The following PPARGC1B variants were observed in gnomAD, a reference collection of about 807,000 sequenced individuals.
PPARGC1B encodes the protein peroxisome proliferator-activated receptor gamma coactivator 1-beta.
In PPARGC1B, 34 loss-of-function variants were observed where a neutral mutation model predicts 101.6. The observed-to-expected ratio is 0.33, with a 90% CI of 0.25 to 0.45. The LOEUF (loss-of-function observed/expected upper bound fraction) is 0.45, where lower values mean the gene tolerates loss of function less well. Among genes scored for constraint, PPARGC1B ranks in the 20% least tolerant of loss-of-function variants. The probability of loss-of-function intolerance (pLI) is 1.00; values close to 1 mark genes in which losing one functional copy is unlikely to be tolerated. For missense variants in PPARGC1B, 1,234 were observed against 1,317.6 expected (o/e 0.94, Z 0.98); for synonymous variants, 548 against 539.3 (o/e 1.02, Z -0.22).
intron 1 of PPARGC1B, among the ~76,000 whole-genome samples, chr5:149,731,255 G>A (rs1754453997): frequency 1.3e-5 from 2 of 152,230 alleles, no homozygotes. Context: ...GGGGAGCGAG[G>A]AAGCTGGTGG....
At chr5:149,731,071 C>T (rs964010326) in intron 1 of PPARGC1B, among the ~76,000 whole-genome samples, 1 of 152,180 alleles carries the variant, frequency 6.6e-6, no homozygotes, top group Admixed American at 6.5e-5. Context: ...TGGATGGGGG[C>T]GGAAGGACTG....
rs60711433 is a variant in PPARGC1B at position 149,830,030 on chromosome 5, C to CAAAA, written c.466-716_466-713dup. 2.1e-3 allele frequency among the ~76,000 whole-genome samples: 72 copies of CAAAA among 34,170 alleles called. 1 individual carries two copies. The highest frequency in any genetic ancestry group is 4.0e-3 in the African/African-American group (45 of 11,362). The allele number at this position is 34,170 out of a possible 152,430, so 22.4% of individuals were successfully genotyped here. ...AGCCTAGGTGACAGAGACTGCATCTCAAAAAAAAAAAAAAAAAAAAAAAAG... is the reference window on the plus strand; with the variant it reads ...AGCCTAGGTGACAGAGACTGCATCTCAAAAAAAAAAAAAAAAAAAAAAAAAAAAG... On this transcript the variant is annotated intron_variant, in intron 3 of 11. Transcript: ENST00000309241.
chr5:149,800,424 A>C (rs1156516568), intron 1 of PPARGC1B, among the ~76,000 whole-genome samples: 6 of 152,176 alleles, frequency 3.9e-5, no homozygotes, highest in Admixed American at 3.9e-4. Flanking sequence ...CTTTGATAGG[A>C]GTGAGGCAGG....
chr5:149,752,668 A>C (rs1177890107), intron 1 of PPARGC1B, among the ~76,000 whole-genome samples: 1 of 152,090 alleles, frequency 6.6e-6, no homozygotes, highest in Non-Finnish European at 1.5e-5. Context: ...GTCTCCACTA[A>C]AAATACAAAA....
chr5:149,823,999 C>T (rs79020132), intron 2 of PPARGC1B, among the ~76,000 whole-genome samples: 188 of 152,166 alleles, frequency 1.2e-3, no homozygotes, highest in African/African-American at 4.4e-3. Context: ...TGCCACCACG[C>T]CCCCCAAAAA....
chr5:149,802,797 C>T (rs148820217), intron 1 of PPARGC1B, among the ~76,000 whole-genome samples: 2 of 152,164 alleles, frequency 1.3e-5, no homozygotes, highest in African/African-American at 4.8e-5. Context: ...TATGAATCAC[C>T]TGAGTATTTT....
At chr5:149,830,030 C>CAAAAAAA (rs60711433) in intron 3 of PPARGC1B, among the ~76,000 whole-genome samples, 22 of 34,240 alleles carry the variant, frequency 6.4e-4, no homozygotes, top group East Asian at 2.8e-3. Flanking sequence ...GACTGCATCT[C>CAAAAAAA]AAAAAAAAAA....
rs776312361 is a variant in PPARGC1B, at chr5:149,833,166, G to A, written c.1093G>A (p.Val365Ile). The change falls in exon 5 of 12, where the codon GTT becomes ATT. Residue 365 changes from valine to isoleucine, a missense_variant. This residue lies in a region of PPARGC1B where 734 missense variants were observed against 768.4 expected (regional missense o/e 0.96). Transcript: ENST00000309241. The surrounding 1 kb of genome is among the most constrained non-coding windows in gnomAD (Gnocchi z 4.1). ...VSKPYRLATP[V>I]YASLTPRSRP... ...CAAACCCTACCGTCTGGCCACGCCTGTTTATGCCTCCCTCACACCTCGGTC... is the reference window on the plus strand; with the variant it reads ...CAAACCCTACCGTCTGGCCACGCCTATTTATGCCTCCCTCACACCTCGGTC... The A allele has an allele frequency of 3.7e-6, 6 of 1,613,494 alleles. No homozygotes were observed. Among genetic ancestry groups the A allele is most frequent in the Non-Finnish European group, 5.1e-6 (6 of 1,180,044 alleles).
chr5:149,788,495 A>G lies in PPARGC1B; in HGVS notation c.79-31938A>G, dbSNP rs184624814. Among the ~76,000 whole-genome samples, 159 of 152,362 alleles carry G rather than the reference A, an allele frequency of 1.0e-3. 1 individual carries two copies. The highest frequency in any genetic ancestry group is 3.6e-3 in the African/African-American group (151 of 41,592). On this transcript the variant is annotated intron_variant, in intron 1 of 11. Transcript: ENST00000309241. ...TGTTGGTGGGACTGTAAACTAGTTT[A>G]ACCGTTGTGGAAGACAGTGTGGCGA...
chr5:149,790,539 C>A, intron 1 of PPARGC1B, among the ~76,000 whole-genome samples: 1 of 152,090 alleles, frequency 6.6e-6, no homozygotes, highest in Middle Eastern at 3.2e-3. Context: ...TTCCTGGAGG[C>A]CTTTGAGGCT....
rs1023221087 is a variant in PPARGC1B, at chr5:149,850,156, A to G, written c.*2598A>G. On this transcript the variant is annotated 3_prime_UTR_variant, in exon 12 of 12. Coordinates refer to ENST00000309241, the MANE Select transcript of PPARGC1B (RefSeq NM_133263.4). ...CTCCCTGGCACCCCGGTGTGCTGAA[A>G]GGAGTTGGTCCATATATGATCTCTT... The G allele has an allele frequency of 2.6e-5, 4 of 152,212 alleles. No homozygotes were observed. The highest frequency in any genetic ancestry group is 5.9e-5 in the Non-Finnish European group (4 of 68,040). The allele number at this position is 152,212 out of a possible 1,614,324, so 9.4% of individuals were successfully genotyped here. A position where few individuals can be genotyped will look rare whatever the true frequency, so the allele number is the denominator to read the frequency against.
At chr5:149,755,503 C>A (rs1358539863) in intron 1 of PPARGC1B, among the ~76,000 whole-genome samples, 1 of 152,028 alleles carries the variant, frequency 6.6e-6, no homozygotes, top group Non-Finnish European at 1.5e-5. Context: ...AGATGTAAAC[C>A]CTGGACTGTG....
chr5:149,735,580 T>C (rs189362205), intron 1 of PPARGC1B, among the ~76,000 whole-genome samples: 5 of 152,354 alleles, frequency 3.3e-5, no homozygotes, highest in Non-Finnish European at 7.3e-5. Context: ...TTTGCACTAC[T>C]ACATTTCATT....
Position 149,853,160 on chromosome 5 carries a change from GTT to G in PPARGC1B, c.*5604_*5605del, listed in dbSNP as rs1294277932. 1 of 152,076 alleles carries G rather than the reference GTT, an allele frequency of 6.6e-6. No individual in the cohort carries two copies. The highest frequency in any genetic ancestry group is 2.4e-5 in the African/African-American group (1 of 41,390). The allele number at this position is 152,076 out of a possible 1,614,324, so 9.4% of individuals were successfully genotyped here. On this transcript the variant is annotated 3_prime_UTR_variant, in exon 12 of 12. Coordinates refer to ENST00000309241, the MANE Select transcript of PPARGC1B (RefSeq NM_133263.4). The surrounding 1 kb of genome is among the most constrained non-coding windows in gnomAD (Gnocchi z 4.2). Reference sequence around the variant, plus strand: ...GGTTACTTGTGAAGGGAATTGGTCAGTTTCCACCTCAGCACTTTGCCTTATCA... The same window carrying G: ...GGTTACTTGTGAAGGGAATTGGTCAGTCCACCTCAGCACTTTGCCTTATCA...
rs139688947 is a variant in PPARGC1B at position 149,795,672 on chromosome 5, C to T, written c.79-24761C>T. ...ACGCAGGAGGGCGGCAGCTTCTGAG[C>T]GGGATGAGGTCACAGCATCTTGAGG... On this transcript the variant is annotated intron_variant, in intron 1 of 11. Transcript: ENST00000309241. Among the ~76,000 whole-genome samples the T allele has an allele frequency of 6.3e-3, 956 of 152,204 alleles. 6 individuals are homozygous for T. The highest frequency in any genetic ancestry group is 0.011 in the African/African-American group (467 of 41,538).
In PPARGC1B at chr5:149,837,919, G is replaced by A. The variant is rs12659181; in HGVS notation, c.2618+846G>A. 0.041 allele frequency among the ~76,000 whole-genome samples: 6,309 copies of A among 152,068 alleles called. 167 individuals carry two copies. The highest frequency in any genetic ancestry group is 0.13 in the East Asian group (659 of 5,158). On this transcript the variant is annotated intron_variant, in intron 8 of 11. Coordinates refer to ENST00000309241, the MANE Select transcript of PPARGC1B (RefSeq NM_133263.4). This position sits in a 1 kb window ranked among gnomAD's most constrained non-coding sequence, Gnocchi z 4.2. ...CCGAATCCGCTGCAGGATTTGTTGCGCCTCCACTGGCCGGCCCACACCCGG... is the reference window on the plus strand; with the variant it reads ...CCGAATCCGCTGCAGGATTTGTTGCACCTCCACTGGCCGGCCCACACCCGG...
At chr5:149,777,922 TCACACACACACA>T (rs58159275) in intron 1 of PPARGC1B, among the ~76,000 whole-genome samples, 2,057 of 11,546 alleles carry the variant, frequency 0.18, 166 homozygotes, top group East Asian at 0.31. Flanking sequence ...CCATGTAGCA[TCACACACACACA>T]CACACACACA....
In PPARGC1B at chr5:149,833,791, G is replaced by C. The variant is rs780977906; in HGVS notation, c.1705+13G>C. The C allele has an allele frequency of 6.8e-7, 1 of 1,480,944 alleles. No homozygotes were observed. Among genetic ancestry groups the C allele is most frequent in the Non-Finnish European group, 8.9e-7 (1 of 1,120,054 alleles). 91.7% of individuals were successfully genotyped at this position (1,480,944 alleles called of 1,614,324 possible). On this transcript the variant is annotated intron_variant, in intron 5 of 11. Transcript: ENST00000309241. The surrounding 1 kb of genome is among the most constrained non-coding windows in gnomAD (Gnocchi z 4.1). ...CTCCCTCCCAGAGGTAGTCAGAGTT[G>C]GTGGTCTGCGAAGTGGGGGCAGGGA...
intron 1 of PPARGC1B, among the ~76,000 whole-genome samples, chr5:149,781,141 G>C (rs1409719704): frequency 6.6e-6 from 1 of 151,044 alleles, no homozygotes; most frequent in Non-Finnish European, 1.5e-5. Flanking sequence ...GGAGGTGGAG[G>C]TTGCAGTGAG....
Sources: gnomAD v4.1 joint callset for allele counts (sites outside exome capture counted in the v4.1 genomes callset) on GRCh38, gnomAD v4.1.1 for gene constraint, gnomAD v4.1.1 regional missense constraint, Gnocchi (gnomAD v3.1) non-coding constraint, MANE v1.5 for transcripts, NCBI Gene and HGNC (gene_info 2026-07-23, HGNC 2026-07-21) for gene names.